GAPVD1: variants seen among roughly 807,000 people sequenced by gnomAD.
The protein encoded by GAPVD1 is GTPase activating protein and VPS9 domains 1, also known as GTPase-activating protein and VPS9 domain-containing protein 1.
GAPVD1 carries 35 observed loss-of-function variants against 155.5 expected under a neutral mutation model. The observed-to-expected ratio is 0.23, with a 90% CI of 0.17 to 0.30. GAPVD1 has a LOEUF of 0.30. Among genes scored for constraint, GAPVD1 ranks in the 10% least tolerant of loss-of-function variants. GAPVD1 has a pLI of 1.00. For missense variants in GAPVD1, 1,429 were observed against 1,775.7 expected, an observed-to-expected ratio of 0.80 and a Z score of 3.51; for synonymous variants, 636 against 619.7, an observed-to-expected ratio of 1.03 and a Z score of -0.39.
intron 2 of GAPVD1, among the ~76,000 whole-genome samples, chr9:125,280,221 AC>A (rs1836537593): frequency 6.7e-6 from 1 of 148,972 alleles, no homozygotes; most frequent in African/African-American, 2.5e-5. Flanking sequence ...ACATGGAGAA[AC>A]CCCGTCTCCA....
At chr9:125,267,885 A>G (rs1353435993) in intron 1 of GAPVD1, among the ~76,000 whole-genome samples, 1 of 151,996 alleles carries the variant, frequency 6.6e-6, no homozygotes, top group Non-Finnish European at 1.5e-5. Context: ...TTATTCGGCC[A>G]GGCACAGTGG....
chr9:125,314,702 C>G (rs4991998), intron 9 of GAPVD1, among the ~76,000 whole-genome samples: 74,330 of 151,526 alleles, frequency 0.49, 18,371 homozygotes, highest in Middle Eastern at 0.58. Flanking sequence ...AACAAAAAGA[C>G]AAGAAGAAGA....
chr9:125,331,817 A>C, intron 13 of GAPVD1, 109 bp from the exon 14 acceptor site: 1 of 925,888 alleles, frequency 1.1e-6, no homozygotes, highest in Non-Finnish European at 1.7e-6. Context: ...ATGTATTTGC[A>C]CTGATTTTAT....
intron 3 of GAPVD1, among the ~76,000 whole-genome samples, chr9:125,296,516 G>A (rs1031277477): frequency 1.3e-5 from 2 of 150,808 alleles, no homozygotes; most frequent in African/African-American, 4.9e-5. Context: ...CACCATGCCC[G>A]GCTAATTTTG....
chr9:125,331,196 G>A (rs1182850334), intron 13 of GAPVD1, among the ~76,000 whole-genome samples: 1 of 125,520 alleles, frequency 8.0e-6, no homozygotes, highest in East Asian at 2.2e-4. Context: ...CCTGATATGT[G>A]TTTTATAATT....
chr9:125,295,103 G>A (rs2132689838), intron 2 of GAPVD1, among the ~76,000 whole-genome samples: 1 of 151,478 alleles, frequency 6.6e-6, no homozygotes, highest in South Asian at 2.1e-4. Flanking sequence ...CCTGTCACAG[G>A]GTTGTAAGAG....
At chr9:125,313,977 G>A (rs763807852) in intron 9 of GAPVD1, among the ~76,000 whole-genome samples, 32 of 152,198 alleles carry the variant, frequency 2.1e-4, no homozygotes, top group Non-Finnish European at 4.1e-4. Context: ...AGCTCCCTGT[G>A]AACAGTTGTG....
chr9:125,358,556 T>G (rs1288111554), intron 25 of GAPVD1, among the ~76,000 whole-genome samples: 1 of 152,236 alleles, frequency 6.6e-6, no homozygotes, highest in Non-Finnish European at 1.5e-5. Context: ...GGGTTATGTT[T>G]GTATGAAATA....
At chr9:125,282,487 G>T (rs1836954468) in intron 2 of GAPVD1, among the ~76,000 whole-genome samples, 1 of 152,096 alleles carries the variant, frequency 6.6e-6, no homozygotes, top group African/African-American at 2.4e-5. Flanking sequence ...ACACATGTAG[G>T]TTTCATAATG....
intron 9 of GAPVD1, among the ~76,000 whole-genome samples, chr9:125,314,945 G>A (rs1010650514): frequency 2.0e-5 from 3 of 151,630 alleles, no homozygotes; most frequent in African/African-American, 7.3e-5. Context: ...CCGCCACCAC[G>A]CCCGGCTATT....
At chr9:125,333,734 C>T (rs1214132641) in intron 15 of GAPVD1, among the ~76,000 whole-genome samples, 5 of 149,716 alleles carry the variant, frequency 3.3e-5, no homozygotes, top group South Asian at 2.1e-4. Context: ...GTGATCTGCC[C>T]GCCTCGGCCT....
rs142934295 is a variant in GAPVD1 at position 125,283,954 on chromosome 9, C to G, written c.-149-11504C>G. On this transcript the variant is annotated intron_variant, in intron 2 of 27. Coordinates refer to ENST00000297933, the MANE Select transcript of GAPVD1 (RefSeq NM_001282680.3). ...GTGGCATGATCTCAGCTCACTGCAG[C>G]CTCTGCCTCCCGGGTTCAAGTGATT... is the stretch of plus-strand genomic sequence containing the variant. Among the ~76,000 whole-genome samples the G allele has an allele frequency of 2.2e-3, 339 of 152,038 alleles. 11 individuals are homozygous for G. The East Asian group carries it at 0.054, about 24-fold the overall frequency.
intron 17 of GAPVD1, among the ~76,000 whole-genome samples, chr9:125,338,929 T>TTGTGTG (rs144909106): frequency 0.013 from 1,941 of 146,702 alleles, 24 homozygotes; most frequent in Middle Eastern, 0.028. Context: ...TTAAAAAAAT[T>TTGTGTG]TGTGTGTGTG....
In GAPVD1 at chr9:125,298,916, T is replaced by C. The variant is rs201866363; in HGVS notation, c.-6T>C. On this transcript the variant is annotated 5_prime_UTR_variant, in exon 4 of 28. Transcript: ENST00000297933. ...GATCAGCCTTTGAGCCTTTCCCACA[T>C]TGAAGATGGTGAAACTAGATATTCA... 6.3e-6 allele frequency: 10 copies of C among 1,582,626 alleles called. No individual in the cohort carries two copies. The highest frequency in any genetic ancestry group is 2.3e-5 in the South Asian group (2 of 87,542).
intron 9 of GAPVD1, among the ~76,000 whole-genome samples, chr9:125,313,740 T>C (rs1842991891): frequency 6.6e-6 from 1 of 152,230 alleles, no homozygotes; most frequent in Admixed American, 6.5e-5. Flanking sequence ...TTGCTGGTCT[T>C]ACAGGCATGT....
chr9:125,326,768 T>C (rs530646316), intron 12 of GAPVD1, among the ~76,000 whole-genome samples, 179 bp downstream of exon 12: 2 of 152,022 alleles, frequency 1.3e-5, no homozygotes, highest in African/African-American at 4.8e-5. Context: ...TAAATATAAC[T>C]AGTGTTTTTC....
At chr9:125,293,677 AT>A (rs1323563542) in intron 2 of GAPVD1, among the ~76,000 whole-genome samples, 1 of 129,802 alleles carries the variant, frequency 7.7e-6, no homozygotes, top group Non-Finnish European at 1.6e-5. Context: ...TAATATAAAA[AT>A]ATATATATTA....
At chr9:125,291,254 T>A (rs889372556) in intron 2 of GAPVD1, among the ~76,000 whole-genome samples, 1 of 152,022 alleles carries the variant, frequency 6.6e-6, no homozygotes, top group African/African-American at 2.4e-5. Flanking sequence ...GCCACTGCAC[T>A]CCAGTGTGGG....
chr9:125,283,298 A>T (rs1003982504), intron 2 of GAPVD1, among the ~76,000 whole-genome samples: 2 of 151,870 alleles, frequency 1.3e-5, no homozygotes, highest in African/African-American at 4.8e-5. Flanking sequence ...ACCTCAGATG[A>T]TCCATCCACC....
Sources: gnomAD v4.1 joint callset for allele counts (sites outside exome capture counted in the v4.1 genomes callset) on GRCh38, gnomAD v4.1.1 for gene constraint, MANE v1.5 for transcripts, NCBI Gene and HGNC (gene_info 2026-07-23, HGNC 2026-07-21) for gene names.